ADAM12: variants seen among roughly 807,000 people sequenced by gnomAD.
ADAM12 encodes ADAM metallopeptidase domain 12.
In ADAM12, 70 loss-of-function variants were observed where a neutral mutation model predicts 106.4. The ratio of observed to expected loss-of-function variants is 0.66; its 90% CI spans 0.54 to 0.80. The LOEUF (loss-of-function observed/expected upper bound fraction) is 0.80. ADAM12 is among the 30% of genes least tolerant of loss of function. The pLI, the probability that ADAM12 is intolerant of heterozygous loss-of-function variation, is 0.00. For synonymous variants in ADAM12, 420 were observed against 433.5 expected (o/e 0.97, Z 0.39); for missense variants, 1,010 against 1,171.9 (o/e 0.86, Z 2.02).
rs184814368 is a variant in ADAM12 at position 126,155,196 on chromosome 10, G to C, written c.339+31C>G. The C allele has an allele frequency of 5.0e-6, 8 of 1,607,520 alleles. No individual in the cohort carries two copies. The African/African-American group carries it at 9.4e-5, about 19-fold the overall frequency. On this transcript the variant is annotated intron_variant, in intron 4 of 22. Transcript: ENST00000448723. The stretch of plus-strand genomic sequence containing the variant: ...GTTAAGCACAGATCCAGTGGTGTAA[G>C]ATTATGGTGATCCCAACGTGCCAGA...
At chr10:126,038,534 C>CA (rs1326327381) in intron 19 of ADAM12, among the ~76,000 whole-genome samples, 185 bp from the exon 20 acceptor site, 6 of 152,218 alleles carry the variant, frequency 3.9e-5, no homozygotes, top group East Asian at 1.9e-4. Context: ...GTTTTTCCCT[C>CA]AAAACCTCTA....
At chr10:126,355,297 G>A (rs1329970256) in intron 1 of ADAM12, among the ~76,000 whole-genome samples, 3 of 152,214 alleles carry the variant, frequency 2.0e-5, no homozygotes, top group African/African-American at 7.2e-5. Flanking sequence ...AAATTCTTCT[G>A]ACAGGCCAAA....
At chr10:126,166,123 A>G (rs1957019489) in intron 3 of ADAM12, among the ~76,000 whole-genome samples, 1 of 152,224 alleles carries the variant, frequency 6.6e-6, no homozygotes, top group South Asian at 2.1e-4. Context: ...ACTTCTTAAT[A>G]TACTGCTTCA....
Position 126,012,609 on chromosome 10 carries a change from A to G in ADAM12, c.*4670T>C, listed in dbSNP as rs541815244. ...TTGCTGTTTACGTAACTGTATCTTT[A>G]ATCTGTACTGTGCTAAACAGCCTAT... On this transcript the variant is annotated 3_prime_UTR_variant, in exon 23 of 23. Coordinates refer to ENST00000448723, the MANE Select transcript of ADAM12 (RefSeq NM_001288973.2). 6.6e-6 allele frequency: 1 copy of G among 152,326 alleles called. No individual in the cohort carries two copies. Among genetic ancestry groups the G allele is most frequent in the African/African-American group, 2.4e-5 (1 of 41,566 alleles). The allele number at this position is 152,326 out of a possible 1,614,324, so 9.4% of individuals were successfully genotyped here.
chr10:126,138,019 T>C (rs536688150), intron 4 of ADAM12, among the ~76,000 whole-genome samples: 22 of 152,338 alleles, frequency 1.4e-4, no homozygotes, highest in African/African-American at 5.1e-4. Flanking sequence ...CCTGTGAGCA[T>C]TACACGAGGG....
intron 2 of ADAM12, among the ~76,000 whole-genome samples, chr10:126,313,393 G>A (rs956863345): frequency 6.6e-6 from 1 of 152,224 alleles, no homozygotes. Flanking sequence ...GGCCTTGGAA[G>A]GGCAAGGATC....
intron 2 of ADAM12, among the ~76,000 whole-genome samples, chr10:126,323,894 G>A (rs1187705213): frequency 6.6e-6 from 1 of 152,220 alleles, no homozygotes; most frequent in Non-Finnish European, 1.5e-5. Context: ...TTATTGGGTT[G>A]AGCATAGTCG....
chr10:126,027,122 A>G (rs976633078), intron 21 of ADAM12, among the ~76,000 whole-genome samples: 3 of 152,204 alleles, frequency 2.0e-5, no homozygotes, highest in Non-Finnish European at 1.5e-5. Flanking sequence ...AAACACCTCT[A>G]TGCACATAAA....
At chr10:126,042,244 C>T in intron 18 of ADAM12, 2 of 1,612,614 alleles carry the variant, frequency 1.2e-6, no homozygotes, top group Non-Finnish European at 1.7e-6. Context: ...TTCTTTCCCT[C>T]GAAAAGAGGC....
intron 18 of ADAM12, among the ~76,000 whole-genome samples, chr10:126,042,435 T>TA (rs1565005500): frequency 1.3e-5 from 2 of 152,198 alleles, no homozygotes; most frequent in African/African-American, 4.8e-5. Flanking sequence ...GAGATCACAT[T>TA]AGGCAAATTA....
intron 3 of ADAM12, among the ~76,000 whole-genome samples, chr10:126,256,455 T>C (rs1397776653): frequency 6.6e-6 from 1 of 152,182 alleles, no homozygotes; most frequent in Non-Finnish European, 1.5e-5. Flanking sequence ...GCCACAGTGA[T>C]CTCTGAGGTC....
chr10:126,210,479 G>C (rs1045731718), intron 3 of ADAM12, among the ~76,000 whole-genome samples: 1 of 152,184 alleles, frequency 6.6e-6, no homozygotes, highest in Non-Finnish European at 1.5e-5. Flanking sequence ...TCAGATGCTA[G>C]GTGGAAAGAG....
intron 1 of ADAM12, among the ~76,000 whole-genome samples, chr10:126,366,247 TA>T (rs1461145974): frequency 6.6e-6 from 1 of 152,114 alleles, no homozygotes; most frequent in Non-Finnish European, 1.5e-5. Context: ...ACCTTTTGTG[TA>T]AAAATGACAG....
At chr10:126,171,289 T>C (rs942128900) in intron 3 of ADAM12, among the ~76,000 whole-genome samples, 2 of 152,174 alleles carry the variant, frequency 1.3e-5, no homozygotes, top group African/African-American at 4.8e-5. Context: ...TTTAATTAAG[T>C]AATGCAATAC....
Position 126,093,903 on chromosome 10 carries a change from G to C in ADAM12, c.1145+82C>G, listed in dbSNP as rs547744720. 3.2e-5 allele frequency: 50 copies of C among 1,564,214 alleles called. No homozygotes were observed. In the Admixed American group the frequency reaches 8.1e-4, roughly 25 times the overall value. On this transcript the variant is annotated intron_variant, in intron 11 of 22. Transcript: ENST00000448723. ...CCTGGGTGCTCTGACCAGAAAACCA[G>C]AGACACTTTGACTCATCTGGTTCCC...
intron 11 of ADAM12, among the ~76,000 whole-genome samples, chr10:126,087,458 T>A (rs941030265): frequency 6.6e-6 from 1 of 152,204 alleles, no homozygotes; most frequent in Non-Finnish European, 1.5e-5. Flanking sequence ...TTACCAGAGT[T>A]CCTCATTCTG....
At position 126,355,460 on chromosome 10, in the gene ADAM12, G is replaced by T. The variant is rs75303296; in HGVS notation, c.89-24951C>A. ...ATTATCTACAGACAGGAACATGTGGGTCAAAACCCCAAAACTTGGGAATAA... is the reference window on the plus strand; with the variant it reads ...ATTATCTACAGACAGGAACATGTGGTTCAAAACCCCAAAACTTGGGAATAA... On this transcript the variant is annotated intron_variant, in intron 1 of 22. Coordinates refer to ENST00000448723, the MANE Select transcript of ADAM12 (RefSeq NM_001288973.2). Among the ~76,000 whole-genome samples, 1,300 of 152,304 alleles carry T rather than the reference G, an allele frequency of 8.5e-3. 24 individuals carry two copies. Among genetic ancestry groups the T allele is most frequent in the African/African-American group, 0.03 (1,236 of 41,574 alleles).
chr10:126,188,473 T>C (rs960850818), intron 3 of ADAM12, among the ~76,000 whole-genome samples: 6 of 152,182 alleles, frequency 3.9e-5, no homozygotes, highest in Admixed American at 1.3e-4. Context: ...GTTTTTTTCC[T>C]TCAGGGTTAC....
At chr10:126,289,216 C>A (rs965486245) in intron 2 of ADAM12, among the ~76,000 whole-genome samples, 2 of 152,196 alleles carry the variant, frequency 1.3e-5, no homozygotes, top group African/African-American at 4.8e-5. Flanking sequence ...TGACACCAAA[C>A]CCTGCCAGGC....
Sources: gnomAD v4.1 joint callset for allele counts (sites outside exome capture counted in the v4.1 genomes callset) on GRCh38, gnomAD v4.1.1 for gene constraint, MANE v1.5 for transcripts, NCBI Gene and HGNC (gene_info 2026-07-23, HGNC 2026-07-21) for gene names.